PPP2R2C: variants seen among roughly 807,000 people sequenced by gnomAD.
PPP2R2C encodes protein phosphatase 2, regulatory subunit B, gamma.
A neutral mutation model predicts 45.3 loss-of-function variants in PPP2R2C; 10 were observed. That is an observed-to-expected ratio of 0.22 (90% confidence interval 0.14 to 0.37). The LOEUF is 0.37. Among genes scored for constraint, PPP2R2C ranks in the 10% least tolerant of loss-of-function variants. PPP2R2C has a pLI of 1.00. For synonymous variants in PPP2R2C, 257 were observed against 245.4 expected, an observed-to-expected ratio of 1.05 and a Z score of -0.44; for missense variants, 308 against 619.7, an observed-to-expected ratio of 0.50 and a Z score of 5.34.
At chr4:6,551,421 G>A (rs1218804671) in intron 1 of PPP2R2C, among the ~76,000 whole-genome samples, 6 of 152,324 alleles carry the variant, frequency 3.9e-5, no homozygotes, top group Middle Eastern at 3.4e-3. Flanking sequence ...CTCCCAGCTG[G>A]AAAAGGAGAA....
At chr4:6,560,942 C>T (rs1163231885) in intron 1 of PPP2R2C, among the ~76,000 whole-genome samples, 1 of 152,248 alleles carries the variant, frequency 6.6e-6, no homozygotes, top group African/African-American at 2.4e-5. Context: ...CCTTCCTCCT[C>T]TTTGTGCCTT....
chr4:6,528,637 C>T (rs1724292808), intron 2 of PPP2R2C, among the ~76,000 whole-genome samples: 2 of 152,366 alleles, frequency 1.3e-5, no homozygotes, highest in South Asian at 4.1e-4. Flanking sequence ...GCTAAGTCAT[C>T]ATATCCCTGT....
intron 2 of PPP2R2C, among the ~76,000 whole-genome samples, chr4:6,482,945 TG>T (rs1228134443): frequency 6.6e-6 from 1 of 151,432 alleles, no homozygotes; most frequent in African/African-American, 2.4e-5. Context: ...CTAATGTGGA[TG>T]CTTTTTGTTT....
rs34145628 is a variant in PPP2R2C at position 6,457,207 on chromosome 4, C to CAAAAA, written c.70+14948_70+14952dup. ...TGGGCGACAGAGCGAGACTCCATCT[C>CAAAAA]AAAAAAAAAAAAAAAAAAAATAGAG... On this transcript the variant is annotated intron_variant, in intron 1 of 8. Transcript: ENST00000382599. Among the ~76,000 whole-genome samples, 40 of 88,812 alleles carry CAAAAA rather than the reference C, an allele frequency of 4.5e-4. 8 individuals carry two copies. Among genetic ancestry groups the CAAAAA allele is most frequent in the East Asian group, 6.3e-4 (2 of 3,178 alleles). 58.3% of individuals were successfully genotyped at this position (88,812 alleles called of 152,430 possible).
chr4:6,419,427 A>T (rs1357861760), intron 1 of PPP2R2C, among the ~76,000 whole-genome samples: 1 of 141,938 alleles, frequency 7.0e-6, no homozygotes, highest in East Asian at 2.0e-4. Context: ...GACTCTGTCT[A>T]AAAAAAGAAA....
chr4:6,407,779 A>G (rs1164981438), intron 1 of PPP2R2C, among the ~76,000 whole-genome samples: 1 of 152,178 alleles, frequency 6.6e-6, no homozygotes, highest in African/African-American at 2.4e-5. Context: ...AGTGAGGAAA[A>G]TGGATTCAAA....
upstream of PPP2R2C, among the ~76,000 whole-genome samples, chr4:6,476,662 C>T (rs1722154623): frequency 6.6e-6 from 1 of 152,202 alleles, no homozygotes; most frequent in Non-Finnish European, 1.5e-5. Flanking sequence ...CTGACTAAGA[C>T]ACCACCCCAA....
intron 2 of PPP2R2C, among the ~76,000 whole-genome samples, chr4:6,512,545 A>ATGGTGGTGATGGTGGTGG: frequency 2.4e-5 from 1 of 42,014 alleles, no homozygotes; most frequent in South Asian, 1.0e-3. Context: ...GATGGTGGTG[A>ATGGTGGTGATGGTGGTGG]TGGTGGTGAT....
intron 2 of PPP2R2C, among the ~76,000 whole-genome samples, chr4:6,499,373 CCTT>C (rs1419005578): frequency 6.6e-6 from 1 of 152,194 alleles, no homozygotes; most frequent in East Asian, 1.9e-4. Flanking sequence ...CCCACCCCAT[CCTT>C]CTCTCCCTTC....
chr4:6,381,215 G>A, intron 1 of PPP2R2C, 121 bp from the exon 2 acceptor site: 1 of 1,541,748 alleles, frequency 6.5e-7, no homozygotes, highest in African/African-American at 1.4e-5. Flanking sequence ...CCCTGGGCAG[G>A]AGGCAGCAGG....
intron 1 of PPP2R2C, among the ~76,000 whole-genome samples, chr4:6,438,462 A>AT (rs1719997090): frequency 2.6e-5 from 4 of 152,342 alleles, no homozygotes; most frequent in Non-Finnish European, 4.4e-5. Context: ...CTCTGTACCC[A>AT]GGCCATGTCC....
chr4:6,538,219 T>C lies in PPP2R2C; in HGVS notation c.-58-2842A>G, dbSNP rs141937735. On this transcript the variant is annotated intron_variant, in intron 1 of 9. Coordinates refer to the PPP2R2C transcript ENST00000506140. ...CCACTGAGGCGGGCACCCCTACAAG[T>C]TGAATGACTTGTCTCAGGTCCCACA... is the stretch of plus-strand genomic sequence containing the variant. 2.8e-3 allele frequency among the ~76,000 whole-genome samples: 425 copies of C among 152,254 alleles called. 1 individual carries two copies. The highest frequency in any genetic ancestry group is 9.6e-3 in the African/African-American group (400 of 41,552).
intron 5 of PPP2R2C, 53 bp from the exon 6 acceptor site, chr4:6,348,063 G>A (rs548750965): frequency 9.3e-5 from 148 of 1,586,816 alleles, no homozygotes; most frequent in South Asian, 3.5e-4. Context: ...TCAATGCTCC[G>A]CCTTCCCGGA....
intron 1 of PPP2R2C, among the ~76,000 whole-genome samples, chr4:6,396,408 C>T (rs1278293609): frequency 6.6e-6 from 1 of 152,218 alleles, no homozygotes; most frequent in Non-Finnish European, 1.5e-5. Flanking sequence ...AACAGAGGCA[C>T]ATTCAGCAGG....
chr4:6,486,057 C>G (rs187140698), intron 2 of PPP2R2C, among the ~76,000 whole-genome samples: 2 of 151,870 alleles, frequency 1.3e-5, no homozygotes, highest in Non-Finnish European at 2.9e-5. Flanking sequence ...ATGGTTTTAG[C>G]GACATCTCAT....
intron 1 of PPP2R2C, among the ~76,000 whole-genome samples, chr4:6,457,818 T>C (rs1721123705): frequency 6.6e-6 from 1 of 152,256 alleles, no homozygotes; most frequent in African/African-American, 2.4e-5. Context: ...ACTGTTATTG[T>C]ATACCTTACG....
intron 6 of PPP2R2C, among the ~76,000 whole-genome samples, chr4:6,337,817 C>T (rs373583698): frequency 0.12 from 6,632 of 57,126 alleles, 227 homozygotes; most frequent in Non-Finnish European, 0.27. Flanking sequence ...TGGCTGTACT[C>T]GGGCATTTCT....
chr4:6,469,464 C>T (rs1370702392), intron 1 of PPP2R2C, among the ~76,000 whole-genome samples: 2 of 152,168 alleles, frequency 1.3e-5, no homozygotes, highest in Non-Finnish European at 2.9e-5. Context: ...TTTTAGCATC[C>T]ACTGTTTGCC....
Position 6,348,115 on chromosome 4 carries a change from C to T in PPP2R2C, c.626-105G>A, listed in dbSNP as rs925166243. The T allele has an allele frequency of 1.7e-5, 22 of 1,325,378 alleles. No homozygotes were observed. The African/African-American group carries it at 1.9e-4, about 11-fold the overall frequency. The allele number at this position is 1,325,378 out of a possible 1,614,324, so 82.1% of individuals were successfully genotyped here. On this transcript the variant is annotated intron_variant, in intron 5 of 8. Coordinates refer to ENST00000382599, the MANE Select transcript of PPP2R2C (RefSeq NM_020416.4). ...CCCGAGGCAAAACCGTCCACCCTCG[C>T]GTCTGAGCTGCCTCTCTGTTCCTGA...
Sources: gnomAD v4.1 joint callset for allele counts (sites outside exome capture counted in the v4.1 genomes callset) on GRCh38, gnomAD v4.1.1 for gene constraint, MANE v1.5 for transcripts, NCBI Gene and HGNC (gene_info 2026-07-23, HGNC 2026-07-21) for gene names.